GFPT1: variants seen among roughly 807,000 people sequenced by gnomAD.
GFPT1 encodes glutamine--fructose-6-phosphate aminotransferase [isomerizing] 1.
In GFPT1, 40 loss-of-function variants were observed where a neutral mutation model predicts 92.0. That is an observed-to-expected ratio of 0.43 (90% CI 0.34 to 0.57). GFPT1 has a LOEUF of 0.57. Ranked by LOEUF, GFPT1 falls within the 20% of genes least tolerant of loss-of-function variation. The pLI is 0.02. For synonymous variants in GFPT1, 269 were observed against 280.6 expected (o/e 0.96, Z 0.41); for missense variants, 448 against 869.1 (o/e 0.52, Z 6.09).
chr2:69,350,826 C>T (rs1671187556), intron 9 of GFPT1, among the ~76,000 whole-genome samples: 2 of 151,438 alleles, frequency 1.3e-5, no homozygotes, highest in African/African-American at 2.4e-5. Context: ...TCACTTGAAC[C>T]CAGGAAGTGG....
chr2:69,331,686 G>C (rs1172435875), intron 15 of GFPT1, among the ~76,000 whole-genome samples: 1 of 151,922 alleles, frequency 6.6e-6, no homozygotes, highest in Non-Finnish European at 1.5e-5. Flanking sequence ...GAATAATCAT[G>C]TGAAATGTTT....
intron 11 of GFPT1, among the ~76,000 whole-genome samples, chr2:69,347,858 C>T (rs796339648): frequency 2.1e-4 from 32 of 152,138 alleles, no homozygotes; most frequent in African/African-American, 7.2e-4. Context: ...TATAAGAAAA[C>T]TAAAGCACAA....
At chr2:69,330,783 C>T (rs1670641923) in intron 15 of GFPT1, among the ~76,000 whole-genome samples, 1 of 152,002 alleles carries the variant, frequency 6.6e-6, no homozygotes, top group South Asian at 2.1e-4. Context: ...GCTTTCACTC[C>T]TAAATAATAG....
chr2:69,364,813 G>A (rs908320063), intron 3 of GFPT1, among the ~76,000 whole-genome samples: 3 of 151,980 alleles, frequency 2.0e-5, no homozygotes, highest in Non-Finnish European at 4.4e-5. Context: ...TTACCAACAT[G>A]GTGAAACCCT....
chr2:69,364,461 C>T (rs969190629), intron 3 of GFPT1, among the ~76,000 whole-genome samples: 1 of 152,174 alleles, frequency 6.6e-6, no homozygotes, highest in African/African-American at 2.4e-5. Flanking sequence ...ATATTTAATT[C>T]TTGCCTTAAA....
intron 1 of GFPT1, among the ~76,000 whole-genome samples, chr2:69,383,826 C>T (rs2104705326): frequency 6.6e-6 from 1 of 152,244 alleles, no homozygotes; most frequent in South Asian, 2.1e-4. Context: ...CAGGGTTTCA[C>T]CATGTTGGTC....
rs1295836613 is a variant in GFPT1 at position 69,320,211 on chromosome 2, A to C, written c.*5978T>G. On this transcript the variant is annotated 3_prime_UTR_variant, in exon 20 of 20. Coordinates refer to ENST00000357308, the MANE Select transcript of GFPT1 (RefSeq NM_001244710.2). The stretch of plus-strand genomic sequence containing the variant: ...CCTTTGCAGACGTTTAGAGTACTGT[A>C]CAATCTTAAATTATTGTTTATCAAC... 2 of 152,226 alleles carry C rather than the reference A, an allele frequency of 1.3e-5. No homozygotes were observed. Among genetic ancestry groups the C allele is most frequent in the African/African-American group, 4.8e-5 (2 of 41,468 alleles). The allele number at this position is 152,226 out of a possible 1,614,324, so 9.4% of individuals were successfully genotyped here. A position where few individuals can be genotyped will look rare whatever the true frequency, so the allele number is the denominator to read the frequency against.
At chr2:69,359,187 T>C in intron 5 of GFPT1, 81 bp downstream of exon 5, 1 of 793,922 alleles carries the variant, frequency 1.3e-6, no homozygotes, top group Non-Finnish European at 2.3e-6. Context: ...TGGTGTTTGT[T>C]GCACATCCCA....
chr2:69,338,384 T>C lies in GFPT1; in HGVS notation c.1324+61A>G, dbSNP rs561979901. The C allele has an allele frequency of 5.8e-5, 82 of 1,424,836 alleles. No individual in the cohort carries two copies. In the Middle Eastern group the frequency reaches 1.9e-3, roughly 34 times the overall value. 88.3% of individuals were successfully genotyped at this position (1,424,836 alleles called of 1,614,324 possible). A position where few individuals can be genotyped will look rare whatever the true frequency, so the allele number is the denominator to read the frequency against. On this transcript the variant is annotated intron_variant, in intron 14 of 19. Transcript: ENST00000357308. ...CTTTAAATATCAGCTTTTGCCAAGA[T>C]ATGCTAGAATTATTAGAAAGAATAA...
intron 15 of GFPT1, among the ~76,000 whole-genome samples, chr2:69,330,294 ATGACTCAACCTTTAT>A (rs1670629177): frequency 2.0e-5 from 3 of 152,222 alleles, no homozygotes; most frequent in Admixed American, 2.0e-4. Context: ...TCTTGAACAA[ATGACTCAACCTTTAT>A]TTCTTAGATA....
rs182445553 is a variant in GFPT1, at chr2:69,352,812, G to A, written c.739+1447C>T. Among the ~76,000 whole-genome samples the A allele has an allele frequency of 7.1e-3, 1,086 of 151,994 alleles. 6 individuals are homozygous for A. Among genetic ancestry groups the A allele is most frequent in the Middle Eastern group, 0.027 (8 of 294 alleles). ...TGTAATCCCAGCACTTTGGGAGGCC[G>A]AGGTGGGCGGATCACCTGAGGTCAG... is the stretch of plus-strand genomic sequence containing the variant. On this transcript the variant is annotated intron_variant, in intron 9 of 19. Coordinates refer to ENST00000357308, the MANE Select transcript of GFPT1 (RefSeq NM_001244710.2).
intron 15 of GFPT1, among the ~76,000 whole-genome samples, chr2:69,333,445 T>G (rs558269175): frequency 6.6e-6 from 1 of 152,356 alleles, no homozygotes; most frequent in South Asian, 2.1e-4. Context: ...TTCATATTTT[T>G]AATTTCATCA....
intron 1 of GFPT1, among the ~76,000 whole-genome samples, chr2:69,376,589 A>G (rs185040678): frequency 2.2e-4 from 33 of 152,266 alleles, no homozygotes; most frequent in Non-Finnish European, 2.9e-5. Context: ...TGCATCAGCT[A>G]GAGTCCACTA....
intron 4 of GFPT1, among the ~76,000 whole-genome samples, chr2:69,363,343 A>C (rs1009980693): frequency 6.6e-6 from 1 of 151,970 alleles, no homozygotes. Flanking sequence ...GACTCAAGCA[A>C]TCCTCCCAAC....
chr2:69,385,684 G>T (rs1023223299), intron 1 of GFPT1, among the ~76,000 whole-genome samples: 5 of 152,010 alleles, frequency 3.3e-5, no homozygotes, highest in African/African-American at 1.2e-4. Flanking sequence ...GCACACTGGA[G>T]ATTGACCAGT....
Position 69,370,069 on chromosome 2 carries a change from G to T in GFPT1, c.155C>A (p.Ala52Asp), listed in dbSNP as rs781670804. 1 of 1,611,414 alleles carries T rather than the reference G, an allele frequency of 6.2e-7. No homozygotes were observed. Among genetic ancestry groups the T allele is most frequent in the South Asian group, 1.1e-5 (1 of 91,026 alleles). The change falls in exon 3 of 20, where the codon GCC becomes GAC. Residue 52 changes from alanine (A) to aspartate (D), a missense_variant. Around this residue, in one of 7 missense-constraint regions of GFPT1, gnomAD observed 72 missense variants for 95.1 expected, o/e 0.76. Coordinates refer to ENST00000357308, the MANE Select transcript of GFPT1 (RefSeq NM_001244710.2). ...AATAAGCTGGATTTTGCAGGCATTG[G>T]CTTCCCAATCTTTATCATTGCCTCC... ...FDGGNDKDWE[A>D]NACKIQLIKK...
chr2:69,326,352 C>A, intron 19 of GFPT1, 119 bp from the exon 20 acceptor site: 1 of 685,698 alleles, frequency 1.5e-6, no homozygotes, highest in East Asian at 2.7e-5. Context: ...CATTCATTAA[C>A]CATCTTTATT....
intron 9 of GFPT1, among the ~76,000 whole-genome samples, chr2:69,352,258 G>C (rs960369574): frequency 6.6e-6 from 1 of 151,762 alleles, no homozygotes; most frequent in African/African-American, 2.4e-5. Context: ...GCATGACTTT[G>C]TCTCAAAAAC....
chr2:69,331,708 A>G (rs1245519065), intron 15 of GFPT1, among the ~76,000 whole-genome samples: 1 of 151,170 alleles, frequency 6.6e-6, no homozygotes, highest in Non-Finnish European at 1.5e-5. Context: ...GAGACAGAGT[A>G]ATATATTTCT....
Sources: allele counts gnomAD v4.1 joint callset (sites outside exome capture counted in the v4.1 genomes callset), GRCh38; gene constraint gnomAD v4.1.1; regional missense constraint gnomAD v4.1.1; transcripts MANE v1.5; gene names NCBI Gene and HGNC (gene_info 2026-07-23, HGNC 2026-07-21).